The following NAALADL2 variants were observed in gnomAD, a reference collection of about 807,000 sequenced individuals.
NAALADL2 encodes the protein N-acetylated alpha-linked acidic dipeptidase like 2.
Under a neutral mutation model 87.2 loss-of-function variants are expected in NAALADL2, and 76 were observed. The ratio of observed to expected loss-of-function variants is 0.87; its 90% CI spans 0.72 to 1.05. NAALADL2 has a LOEUF of 1.05. NAALADL2 is among the 50% of genes least tolerant of loss of function. The pLI, the probability that NAALADL2 is intolerant of heterozygous loss-of-function variation, is 0.00. For missense variants in NAALADL2, 1,089 were observed against 945.8 expected (o/e 1.15, Z -1.99); for synonymous variants, 354 against 331.0 (o/e 1.07, Z -0.75).
chr3:174,695,961 A>G (rs1193360826), intron 2 of NAALADL2, among the ~76,000 whole-genome samples: 1 of 152,020 alleles, frequency 6.6e-6, no homozygotes, highest in African/African-American at 2.4e-5. Flanking sequence ...TGGTCTATGG[A>G]TGCTAAATGT....
chr3:174,926,078 G>A (rs1057404510), intron 1 of NAALADL2, among the ~76,000 whole-genome samples: 2 of 152,212 alleles, frequency 1.3e-5, no homozygotes, highest in South Asian at 2.1e-4. Context: ...TTCGGTAGCC[G>A]ATTCAATCAA....
intron 1 of NAALADL2, among the ~76,000 whole-genome samples, chr3:174,949,507 G>T (rs1455217153): frequency 2.0e-5 from 3 of 151,912 alleles, no homozygotes. Flanking sequence ...TTATATTGGT[G>T]TAAAAAAAAC....
At chr3:174,986,384 GTTATATT>G (rs1011380314) in intron 1 of NAALADL2, among the ~76,000 whole-genome samples, 2 of 149,942 alleles carry the variant, frequency 1.3e-5, no homozygotes, top group African/African-American at 4.9e-5. Flanking sequence ...GCTGTAGTTT[GTTATATT>G]TTATGTTTGT....
chr3:174,689,795 C>A (rs1728394123), intron 2 of NAALADL2, among the ~76,000 whole-genome samples: 1 of 152,096 alleles, frequency 6.6e-6, no homozygotes, highest in South Asian at 2.1e-4. Context: ...ATTTTGAAGT[C>A]AGGAAAATAC....
intron 2 of NAALADL2, among the ~76,000 whole-genome samples, chr3:174,630,472 ACTTTTCCTGGT>A (rs1252393009): frequency 6.6e-6 from 1 of 152,102 alleles, no homozygotes; most frequent in Non-Finnish European, 1.5e-5. Flanking sequence ...ATTTATCCTT[ACTTTTCCTGGT>A]ATTTTCCCCA....
chr3:175,121,520 T>TA (rs1413811008), intron 2 of NAALADL2, among the ~76,000 whole-genome samples: 1 of 151,780 alleles, frequency 6.6e-6, no homozygotes, highest in Non-Finnish European at 1.5e-5. Context: ...TACCTGAGGG[T>TA]AAGAGAGCTG....
intron 11 of NAALADL2, among the ~76,000 whole-genome samples, chr3:175,702,617 C>A (rs1739145884): frequency 6.6e-6 from 1 of 152,118 alleles, no homozygotes; most frequent in Non-Finnish European, 1.5e-5. Context: ...AGACACAAAG[C>A]ATAATTTGTT....
chr3:175,320,244 A>G (rs1759673783), intron 4 of NAALADL2, among the ~76,000 whole-genome samples: 1 of 152,258 alleles, frequency 6.6e-6, no homozygotes, highest in Admixed American at 6.5e-5. Context: ...AAAAAAATCA[A>G]TTTAAAGAGT....
chr3:174,879,258 T>C (rs1728894804), intron 1 of NAALADL2, among the ~76,000 whole-genome samples: 1 of 152,074 alleles, frequency 6.6e-6, no homozygotes, highest in African/African-American at 2.4e-5. Flanking sequence ...CCACAGACAG[T>C]TTTAATTGCA....
At chr3:175,575,754 A>G (rs775864327) in intron 9 of NAALADL2, among the ~76,000 whole-genome samples, 2 of 152,200 alleles carry the variant, frequency 1.3e-5, no homozygotes, top group African/African-American at 2.4e-5. Context: ...AATTCAGCTT[A>G]TGATAAAAAA....
intron 1 of NAALADL2, among the ~76,000 whole-genome samples, chr3:174,479,073 C>T (rs960883306): frequency 1.3e-5 from 2 of 152,142 alleles, no homozygotes; most frequent in African/African-American, 2.4e-5. Flanking sequence ...ACTCTCTACA[C>T]TTGTACTGAA....
chr3:174,449,933 CATT>C lies in NAALADL2; in HGVS notation c.-184+8902_-184+8904del, dbSNP rs538169617. Among the ~76,000 whole-genome samples, 31 of 152,046 alleles carry C rather than the reference CATT, an allele frequency of 2.0e-4. No homozygotes were observed. The South Asian group carries it at 6.4e-3, about 32-fold the overall frequency. On this transcript the variant is annotated intron_variant, in intron 1 of 3. Transcript: ENST00000434257. ...TGATATTTAAACATTAATTCCAGAT[CATT>C]GTCATCTTCATTGTATATGTCTTAC...
At chr3:175,423,052 T>TATATATATATATA (rs1491115866) in intron 5 of NAALADL2, among the ~76,000 whole-genome samples, 26 of 98,416 alleles carry the variant, frequency 2.6e-4, no homozygotes, top group African/African-American at 1.1e-3. Context: ...TATATATATA[T>TATATATATATATA]TTTTTTTTTT....
In NAALADL2 at chr3:175,762,192, A is replaced by ATTTTTTTTTTT. The variant is rs55668165; in HGVS notation, c.2189+6779_2189+6789dup. ...TGAAAAGGATAAGGTCTGTGTTTCGATTTTTTTTTTTTTTTGCATGTAGAT... is the reference window on the plus strand; with the variant it reads ...TGAAAAGGATAAGGTCTGTGTTTCGATTTTTTTTTTTTTTTTTTTTTTTTTTGCATGTAGAT... On this transcript the variant is annotated intron_variant, in intron 13 of 13. Transcript: ENST00000454872. Among the ~76,000 whole-genome samples, 990 of 114,070 alleles carry ATTTTTTTTTTT rather than the reference A, an allele frequency of 8.7e-3. 45 individuals carry two copies. The highest frequency in any genetic ancestry group is 0.024 in the African/African-American group (722 of 29,606). The allele number at this position is 114,070 out of a possible 152,430, so 74.8% of individuals were successfully genotyped here. A position where few individuals can be genotyped will look rare whatever the true frequency, so the allele number is the denominator to read the frequency against.
chr3:175,581,481 G>A (rs1719775622), intron 10 of NAALADL2, among the ~76,000 whole-genome samples: 1 of 151,930 alleles, frequency 6.6e-6, no homozygotes, highest in East Asian at 1.9e-4. Context: ...CAAGACAATT[G>A]GATTTTCATA....
intron 2 of NAALADL2, among the ~76,000 whole-genome samples, chr3:174,563,517 A>G (rs1289576625): frequency 6.6e-6 from 1 of 151,752 alleles, no homozygotes; most frequent in Non-Finnish European, 1.5e-5. Context: ...AGGCACCTAG[A>G]TAAAACTTAA....
intron 11 of NAALADL2, among the ~76,000 whole-genome samples, chr3:175,699,706 C>G (rs546433056): frequency 2.6e-5 from 4 of 151,920 alleles, no homozygotes; most frequent in Non-Finnish European, 5.9e-5. Context: ...AACACACATA[C>G]AAATCAGTAT....
chr3:174,743,971 G>A (rs1734005850), intron 3 of NAALADL2, among the ~76,000 whole-genome samples: 1 of 151,830 alleles, frequency 6.6e-6, no homozygotes, highest in African/African-American at 2.4e-5. Flanking sequence ...AGGGTATTTA[G>A]CAGGAGATAT....
chr3:175,077,931 G>C (rs769925173), intron 1 of NAALADL2, among the ~76,000 whole-genome samples: 1 of 151,890 alleles, frequency 6.6e-6, no homozygotes, highest in Non-Finnish European at 1.5e-5. Flanking sequence ...TTTTACCTCT[G>C]TACACCATTT....
Sources: gnomAD v4.1 joint callset for allele counts (sites outside exome capture counted in the v4.1 genomes callset) on GRCh38, gnomAD v4.1.1 for gene constraint, MANE v1.5 for transcripts, NCBI Gene and HGNC (gene_info 2026-07-23, HGNC 2026-07-21) for gene names.